Variants in SPANXN5 observed in about 807,000 individuals in gnomAD.
SPANXN5 encodes the protein SPANX family member N5.
A neutral mutation model predicts 4.5 loss-of-function variants in SPANXN5; 5 were observed. The observed-to-expected ratio is 1.11, with a 90% CI of 0.58 to 2.33. The LOEUF (loss-of-function observed/expected upper bound fraction) is 2.33. Among genes scored for constraint, SPANXN5 ranks in the 30% most tolerant of loss-of-function variants. The probability of loss-of-function intolerance (pLI) is 0.01; values close to 1 mark genes in which losing one functional copy is unlikely to be tolerated. For missense variants in SPANXN5, 41 were observed against 50.3 expected, an observed-to-expected ratio of 0.82 and a Z score of 0.56; for synonymous variants, 20 against 20.4, an observed-to-expected ratio of 0.98 and a Z score of 0.05.
In SPANXN5 at chrX:52,796,718, G is replaced by A. The variant is rs782685642; in HGVS notation, c.76-87C>T. On this transcript the variant is annotated intron_variant, in intron 1 of 1. Transcript: ENST00000375511. ...GATAGCAAGGGGGGCTTTATGAGAAGGAATGCAGGTTGAGGAAGGGGTTCG... is the reference window on the plus strand; with the variant it reads ...GATAGCAAGGGGGGCTTTATGAGAAAGAATGCAGGTTGAGGAAGGGGTTCG... 1.7e-3 allele frequency: 1,899 copies of A among 1,140,497 alleles called. 2 individuals carry two copies. The highest frequency in any genetic ancestry group is 2.8e-3 in the Middle Eastern group (10 of 3,541). 94.0% of individuals were successfully genotyped at this position (1,140,497 alleles called of 1,213,427 possible). A position where few individuals can be genotyped will look rare whatever the true frequency, so the allele number is the denominator to read the frequency against.
chrX:52,797,124 C>T (rs1157099380), intron 1 of SPANXN5, 150 bp downstream of exon 1: 3 of 623,605 alleles, frequency 4.8e-6, no homozygotes, highest in Admixed American at 2.7e-5. Flanking sequence ...TGTAAGTACC[C>T]CAGGCTGTAA....
intron 1 of SPANXN5, 91 bp from the exon 2 acceptor site, chrX:52,796,722 T>C: frequency 1.1e-5 from 12 of 1,137,666 alleles, no homozygotes; most frequent in Non-Finnish European, 9.5e-6. Flanking sequence ...TGAGAAGGAA[T>C]GCAGGTTGAG....
In SPANXN5 at chrX:52,797,136, C is replaced by T. The variant is rs1479031335; in HGVS notation, c.75+138G>A. On this transcript the variant is annotated intron_variant, in intron 1 of 1. Transcript: ENST00000375511. ...ACCTGTAAGTACCCCAGGCTGTAAG[C>T]GGTGGTGGGATCTGGCATTAAGCTG... is the stretch of plus-strand genomic sequence containing the variant. The T allele has an allele frequency of 1.1e-4, 77 of 676,314 alleles. 1 individual carries two copies. Among genetic ancestry groups the T allele is most frequent in the Admixed American group, 4.4e-4 (17 of 38,257 alleles). 55.7% of individuals were successfully genotyped at this position (676,314 alleles called of 1,213,427 possible).
Position 52,796,212 on chromosome X carries a change from C to A in SPANXN5, c.*276G>T. ...GGTGAGGATTTGTCCAATTTGGTTT[C>A]TCCATGTTTAATTAGTCTTCCTCAC... On this transcript the variant is annotated 3_prime_UTR_variant, in exon 2 of 2. Transcript: ENST00000375511. 2 of 340,735 alleles carry A rather than the reference C, an allele frequency of 5.9e-6. No individual in the cohort carries two copies. The highest frequency in any genetic ancestry group is 5.5e-5 in the East Asian group (1 of 18,278). 28.1% of individuals were successfully genotyped at this position (340,735 alleles called of 1,213,427 possible). A position where few individuals can be genotyped will look rare whatever the true frequency, so the allele number is the denominator to read the frequency against.
In SPANXN5 at chrX:52,797,387, G is replaced by T. The variant is rs1556775847; in HGVS notation, c.-39C>A. The T allele has an allele frequency of 8.5e-7, 1 of 1,179,708 alleles. No homozygotes were observed. On this transcript the variant is annotated 5_prime_UTR_variant, in exon 1 of 2. Transcript: ENST00000375511. ...TGTTGAATGTCTACAGCAGGATCTTGTAGAGTCCAGACTTCCACAGCTATA... is the reference window on the plus strand; with the variant it reads ...TGTTGAATGTCTACAGCAGGATCTTTTAGAGTCCAGACTTCCACAGCTATA...
At chrX:52,797,251 A>G (rs782181851) in intron 1 of SPANXN5, 23 bp downstream of exon 1, 16 of 1,204,387 alleles carry the variant, frequency 1.3e-5, no homozygotes, top group African/African-American at 3.5e-5. Flanking sequence ...CCTCGCCTTC[A>G]CTTCAAAACC....
chrX:52,796,299 T>G lies in SPANXN5; in HGVS notation c.*189A>C. ...CTTCCTCCATCAAAGATCCTTCAGA[T>G]GAGTCTAGGTCTTCATCCTCTTGTG... On this transcript the variant is annotated 3_prime_UTR_variant, in exon 2 of 2. Transcript: ENST00000375511. The G allele has an allele frequency of 1.7e-6, 1 of 593,155 alleles. No individual in the cohort carries two copies. Among genetic ancestry groups the G allele is most frequent in the African/African-American group, 2.2e-5 (1 of 44,621 alleles). The allele number at this position is 593,155 out of a possible 1,213,427, so 48.9% of individuals were successfully genotyped here.
Position 52,796,397 on chromosome X carries a change from G to T in SPANXN5, c.*91C>A. 1 of 1,121,130 alleles carries T rather than the reference G, an allele frequency of 8.9e-7. No homozygotes were observed. The highest frequency in any genetic ancestry group is 1.2e-6 in the Non-Finnish European group (1 of 830,135). The allele number at this position is 1,121,130 out of a possible 1,213,427, so 92.4% of individuals were successfully genotyped here. ...TCAGGTAATTGTAGGTCTTCATCCTGCTTTGAAGATTCTGCAGATGAGTCT... is the reference window on the plus strand; with the variant it reads ...TCAGGTAATTGTAGGTCTTCATCCTTCTTTGAAGATTCTGCAGATGAGTCT... On this transcript the variant is annotated 3_prime_UTR_variant, in exon 2 of 2. Coordinates refer to ENST00000375511, the MANE Select transcript of SPANXN5 (RefSeq NM_001009616.4).
At position 52,796,268 on chromosome X, in the gene SPANXN5, G is replaced by T; in HGVS notation, c.*220C>A. 2.0e-6 allele frequency: 1 copy of T among 503,268 alleles called. No individual in the cohort carries two copies. The highest frequency in any genetic ancestry group is 3.8e-5 in the East Asian group (1 of 26,485). 41.5% of individuals were successfully genotyped at this position (503,268 alleles called of 1,213,427 possible). A position where few individuals can be genotyped will look rare whatever the true frequency, so the allele number is the denominator to read the frequency against. On this transcript the variant is annotated 3_prime_UTR_variant, in exon 2 of 2. Transcript: ENST00000375511. ...TCTGACGATCCTTCAGATGAGTCTG[G>T]GTCTTCTTCCTCCATCAAAGATCCT...
At position 52,796,385 on chromosome X, in the gene SPANXN5, G is replaced by A; in HGVS notation, c.*103C>T. 2.8e-6 allele frequency: 3 copies of A among 1,074,356 alleles called. No individual in the cohort carries two copies. The highest frequency in any genetic ancestry group is 3.8e-6 in the Non-Finnish European group (3 of 791,467). The allele number at this position is 1,074,356 out of a possible 1,213,427, so 88.5% of individuals were successfully genotyped here. On this transcript the variant is annotated 3_prime_UTR_variant, in exon 2 of 2. Transcript: ENST00000375511. ...TGTGAAGATCCTTCAGGTAATTGTA[G>A]GTCTTCATCCTGCTTTGAAGATTCT...
intron 1 of SPANXN5, among the ~76,000 whole-genome samples, 184 bp from the exon 2 acceptor site, chrX:52,796,815 T>C (rs181276571): frequency 2.8e-4 from 31 of 111,291 alleles, no homozygotes; most frequent in Non-Finnish European, 5.7e-4. Context: ...GGTAGGGTCA[T>C]CTGTTAGTCC....
At chrX:52,796,679 T>C (rs1321010964) in intron 1 of SPANXN5, 48 bp from the exon 2 acceptor site, 3 of 1,199,775 alleles carry the variant, frequency 2.5e-6, no homozygotes, top group Non-Finnish European at 3.4e-6. Flanking sequence ...TTTGGGTGAA[T>C]AGGATAGAGA....
intron 1 of SPANXN5, 122 bp downstream of exon 1, chrX:52,797,152 C>A: frequency 2.5e-6 from 2 of 788,626 alleles, no homozygotes; most frequent in Non-Finnish European, 3.8e-6. Context: ...TGGGATCTGG[C>A]ATTAAGCTGG....
chrX:52,796,511 G>A lies in SPANXN5; in HGVS notation c.196C>T (p.Gln66Ter). The change falls in exon 2 of 2, where the codon CAA (glutamine) becomes TAA (stop). Residue 66 changes from glutamine to a stop codon, truncating the protein, a stop_gained. Transcript: ENST00000375511. LOFTEE classifies it high-confidence loss of function. ...TCTCAGGACTGGTCATTCTCGAGTTGATTTGAATGTATTTTCTTAGTCTTC... is the reference window on the plus strand; with the variant it reads ...TCTCAGGACTGGTCATTCTCGAGTTAATTTGAATGTATTTTCTTAGTCTTC... The part of the protein sequence containing the change: ...YRKTKKIHSN[Q>*]LENDQS 8.3e-7 allele frequency: 1 copy of A among 1,211,076 alleles called. No homozygotes were observed. Among genetic ancestry groups the A allele is most frequent in the Non-Finnish European group, 1.1e-6 (1 of 894,965 alleles).
rs1368775398 is a variant in SPANXN5, at chrX:52,796,438, T to C, written c.*50A>G. The stretch of plus-strand genomic sequence containing the variant: ...AGATGAGTCTAGGTCTTCGTCCTCC[T>C]GTGAGGATCCTTCGTCCTCCTCCTC... On this transcript the variant is annotated 3_prime_UTR_variant, in exon 2 of 2. Coordinates refer to ENST00000375511, the MANE Select transcript of SPANXN5 (RefSeq NM_001009616.4). 8.4e-7 allele frequency: 1 copy of C among 1,194,501 alleles called. No individual in the cohort carries two copies. The highest frequency in any genetic ancestry group is 1.1e-6 in the Non-Finnish European group (1 of 885,136).
At chrX:52,796,963 C>T (rs1164217705) in intron 1 of SPANXN5, among the ~76,000 whole-genome samples, 5 of 111,874 alleles carry the variant, frequency 4.5e-5, no homozygotes. Context: ...ACTAAAGAAA[C>T]ATCCCTATCA....
In SPANXN5 at chrX:52,796,192, G is replaced by C; in HGVS notation, c.*296C>G. 3.3e-6 allele frequency: 1 copy of C among 305,477 alleles called. No homozygotes were observed. The allele number at this position is 305,477 out of a possible 1,213,427, so 25.2% of individuals were successfully genotyped here. A position where few individuals can be genotyped will look rare whatever the true frequency, so the allele number is the denominator to read the frequency against. ...TTGTAATCATCACCGTTGGTGGTGA[G>C]GATTTGTCCAATTTGGTTTCTCCAT... On this transcript the variant is annotated 3_prime_UTR_variant, in exon 2 of 2. Coordinates refer to ENST00000375511, the MANE Select transcript of SPANXN5 (RefSeq NM_001009616.4).
intron 1 of SPANXN5, 108 bp from the exon 2 acceptor site, chrX:52,796,739 G>T (rs1201235269): frequency 1.9e-6 from 2 of 1,052,970 alleles, no homozygotes; most frequent in East Asian, 3.1e-5. Flanking sequence ...TGAGGAAGGG[G>T]TTCGATCCAG....
chrX:52,797,217 CCT>C (rs1318781194), intron 1 of SPANXN5, 55 bp downstream of exon 1: 2 of 1,156,347 alleles, frequency 1.7e-6, no homozygotes, highest in East Asian at 3.0e-5. Context: ...TGAGCTGCCC[CCT>C]CTCTGTGTGT....
Sources: allele counts gnomAD v4.1 joint callset (sites outside exome capture counted in the v4.1 genomes callset), GRCh38; gene constraint gnomAD v4.1.1; transcripts MANE v1.5; gene names NCBI Gene and HGNC (gene_info 2026-07-23, HGNC 2026-07-21).